Variants in KDM6A observed in about 807,000 individuals in gnomAD.
KDM6A encodes the protein lysine demethylase 6A, also known as lysine-specific demethylase 6A.
A neutral mutation model predicts 117.6 loss-of-function variants in KDM6A; 11 were observed. The observed-to-expected ratio is 0.09, with a 90% CI of 0.06 to 0.15. The LOEUF is 0.15. Among genes scored for constraint, KDM6A ranks in the 10% least tolerant of loss-of-function variants. The pLI is 1.00. For synonymous variants in KDM6A, 384 were observed against 396.1 expected, an observed-to-expected ratio of 0.97 and a Z score of 0.36; for missense variants, 799 against 1,077.3, an observed-to-expected ratio of 0.74 and a Z score of 3.62.
chrX:44,937,948 C>G (rs775387350), intron 2 of KDM6A, among the ~76,000 whole-genome samples: 2 of 110,184 alleles, frequency 1.8e-5, no homozygotes, highest in Admixed American at 1.9e-4. Context: ...AGGCCTCTTA[C>G]ACCAAACAGC....
chrX:45,008,669 A>G (rs2041620601), intron 4 of KDM6A, among the ~76,000 whole-genome samples: 1 of 111,564 alleles, frequency 9.0e-6, no homozygotes, highest in African/African-American at 3.3e-5. Flanking sequence ...TTTTATTCAG[A>G]TTGGTTTGTT....
chrX:45,073,888 AT>A (rs1423633956), intron 18 of KDM6A, among the ~76,000 whole-genome samples: 1 of 110,956 alleles, frequency 9.0e-6, no homozygotes, highest in Non-Finnish European at 1.9e-5. Context: ...ATTAGATCCC[AT>A]TTGTCTATTT....
At chrX:44,938,337 C>G (rs1365459192) in intron 2 of KDM6A, among the ~76,000 whole-genome samples, 2 of 111,775 alleles carry the variant, frequency 1.8e-5, no homozygotes, top group African/African-American at 3.3e-5. Flanking sequence ...AGCCTCACTG[C>G]TGACATAGCA....
chrX:45,088,626 A>C (rs915365598), intron 25 of KDM6A, among the ~76,000 whole-genome samples: 1 of 113,741 alleles, frequency 8.8e-6, no homozygotes, highest in African/African-American at 3.2e-5. Context: ...CTATAGCACA[A>C]GACAAATAAA....
At chrX:45,049,000 A>G (rs959095510) in intron 8 of KDM6A, among the ~76,000 whole-genome samples, 2 of 111,154 alleles carry the variant, frequency 1.8e-5, no homozygotes, top group African/African-American at 3.3e-5. Flanking sequence ...CAACTTCTCC[A>G]TACTACAAGC....
intron 26 of KDM6A, among the ~76,000 whole-genome samples, chrX:45,090,445 A>G (rs1288217369): frequency 9.0e-6 from 1 of 111,698 alleles, no homozygotes; most frequent in Admixed American, 9.5e-5. Context: ...TCATCTGTAT[A>G]ATGGAAGTAA....
intron 2 of KDM6A, among the ~76,000 whole-genome samples, chrX:44,891,547 C>G (rs954096523): frequency 8.9e-6 from 1 of 111,988 alleles, no homozygotes; most frequent in African/African-American, 3.2e-5. Flanking sequence ...TATAGTAGGT[C>G]TTGTTTGAAA....
At chrX:44,890,268 G>C (rs1394675093) in intron 2 of KDM6A, among the ~76,000 whole-genome samples, 1 of 112,143 alleles carries the variant, frequency 8.9e-6, no homozygotes, top group Non-Finnish European at 1.9e-5. Flanking sequence ...GTTCCTTTTT[G>C]ATGCATCACA....
chrX:44,910,023 G>A (rs1367633810), intron 2 of KDM6A, among the ~76,000 whole-genome samples: 1 of 111,653 alleles, frequency 9.0e-6, no homozygotes, highest in East Asian at 2.8e-4. Context: ...TGAAGAAATG[G>A]TTCAGTTGTG....
chrX:45,083,487 T>C lies in KDM6A; in HGVS notation c.3468T>C (p.Thr1156=), dbSNP rs1364529408. ...GGAAGTTGCAGCTACATGAGCTGAC[T>C]AAACTTCCTGCTTTTGTGCGTGTCG... ...KKWKLQLHEL[T]KLPAFVRVVS... is the part of the protein sequence containing the mutation. Residue 1156 remains threonine (T), a synonymous_variant, in exon 24 of 30, where the codon ACT becomes ACC. Transcript: ENST00000611820. The C allele has an allele frequency of 8.3e-7, 1 of 1,210,331 alleles. No homozygotes were observed. The highest frequency in any genetic ancestry group is 1.1e-6 in the Non-Finnish European group (1 of 894,208).
At chrX:45,049,476 C>T (rs1473952409) in intron 8 of KDM6A, among the ~76,000 whole-genome samples, 2 of 111,914 alleles carry the variant, frequency 1.8e-5, no homozygotes, top group African/African-American at 6.5e-5. Flanking sequence ...GTCTTTAATG[C>T]AGTTGCTGGT....
chrX:44,933,076 C>T (rs1397945997), intron 2 of KDM6A, among the ~76,000 whole-genome samples: 2 of 106,074 alleles, frequency 1.9e-5, no homozygotes, highest in South Asian at 4.2e-4. Flanking sequence ...TTAGTAGAGA[C>T]GGGGCTTCAC....
At chrX:45,110,528 C>G (rs73634319) in intron 29 of KDM6A, among the ~76,000 whole-genome samples, 1 of 111,622 alleles carries the variant, frequency 9.0e-6, no homozygotes, top group African/African-American at 3.3e-5. Flanking sequence ...AGATAGAACA[C>G]TATCATATCC....
intron 4 of KDM6A, among the ~76,000 whole-genome samples, chrX:45,005,644 A>T (rs1054776524): frequency 9.0e-6 from 1 of 110,690 alleles, no homozygotes; most frequent in Admixed American, 9.5e-5. Context: ...TCCTTTCGTT[A>T]TCCTTCCAGT....
intron 2 of KDM6A, among the ~76,000 whole-genome samples, chrX:44,952,271 CTTTTTTTTT>C (rs35385542): frequency 1.0e-3 from 92 of 89,914 alleles, no homozygotes; most frequent in Non-Finnish European, 1.2e-3. Flanking sequence ...TTCTACTGAC[CTTTTTTTTT>C]TTTTTTTTGA....
chrX:44,956,656 T>TTGCTGGGATTATAGGCG (rs1210356139), intron 2 of KDM6A, among the ~76,000 whole-genome samples: 7 of 111,459 alleles, frequency 6.3e-5, no homozygotes, highest in African/African-American at 9.8e-5. Flanking sequence ...CTCCTGCCTT[T>TTGCTGGGATTATAGGCG]TGCTGGGATT....
intron 2 of KDM6A, among the ~76,000 whole-genome samples, chrX:44,912,498 T>C (rs987911944): frequency 8.9e-6 from 1 of 112,301 alleles, no homozygotes; most frequent in Non-Finnish European, 1.9e-5. Flanking sequence ...GTATGTTTTA[T>C]AGTTGGAAAT....
At chrX:44,962,457 C>T (rs2038721796) in intron 3 of KDM6A, among the ~76,000 whole-genome samples, 1 of 111,655 alleles carries the variant, frequency 9.0e-6, no homozygotes, top group Non-Finnish European at 1.9e-5. Context: ...GATTGTGTGA[C>T]ACTGGTTAGT....
chrX:45,082,600 C>A lies in KDM6A; in HGVS notation c.3325C>A (p.His1109Asn). ...LREENEKRSH[H>N]KDHSDSESTS... The stretch of plus-strand genomic sequence containing the variant: ...GGAAGAAAATGAAAAAAGAAGTCAT[C>A]ATAAAGACCACTCAGATAGTGAATC... Residue 1109 changes from histidine (H) to asparagine (N), a missense_variant, in exon 22 of 30, where the codon CAT becomes AAT. By Grantham distance (68) the His-to-Asn change is moderately conservative. Coordinates refer to ENST00000611820, the MANE Select transcript of KDM6A (RefSeq NM_001291415.2). 8.4e-7 allele frequency: 1 copy of A among 1,193,698 alleles called. No individual in the cohort carries two copies. Among genetic ancestry groups the A allele is most frequent in the Non-Finnish European group, 1.1e-6 (1 of 880,636 alleles).
Sources: gnomAD v4.1 joint callset for allele counts (sites outside exome capture counted in the v4.1 genomes callset) on GRCh38, gnomAD v4.1.1 for gene constraint, MANE v1.5 for transcripts, NCBI Gene and HGNC (gene_info 2026-07-23, HGNC 2026-07-21) for gene names.